Variants in ARIH1 observed in about 807,000 individuals in gnomAD.
The protein encoded by ARIH1 is E3 ubiquitin-protein ligase ARIH1.
A neutral mutation model predicts 85.0 loss-of-function variants in ARIH1; 8 were observed. The observed-to-expected ratio is 0.09, with a 90% confidence interval of 0.06 to 0.17. ARIH1 has a LOEUF of 0.17. ARIH1 is among the 10% of genes least tolerant of loss of function. The probability of loss-of-function intolerance (pLI) is 1.00; values close to 1 mark genes in which losing one functional copy is unlikely to be tolerated. For synonymous variants in ARIH1, 238 were observed against 253.6 expected, an observed-to-expected ratio of 0.94 and a Z score of 0.59; for missense variants, 311 against 718.1, an observed-to-expected ratio of 0.43 and a Z score of 6.48.
At chr15:72,529,355 C>T (rs1399105253) in intron 2 of ARIH1, among the ~76,000 whole-genome samples, 6 of 152,164 alleles carry the variant, frequency 3.9e-5, no homozygotes, top group South Asian at 4.1e-4. Context: ...CTGATTCTCT[C>T]GCCTCAGCCT....
rs1017064804 is a variant in ARIH1 at position 72,586,358 on chromosome 15, G to A, written c.*3066G>A. ...TACAAACCCCGGTAATAGAGCACTTGGGGGATGGGATGGGGTGGGTTGGTG... is the reference window on the plus strand; with the variant it reads ...TACAAACCCCGGTAATAGAGCACTTAGGGGATGGGATGGGGTGGGTTGGTG... On this transcript the variant is annotated 3_prime_UTR_variant, in exon 14 of 14. Coordinates refer to ENST00000379887, the MANE Select transcript of ARIH1 (RefSeq NM_005744.5). The A allele has an allele frequency of 6.6e-6, 1 of 152,110 alleles. No individual in the cohort carries two copies. The highest frequency in any genetic ancestry group is 1.5e-5 in the Non-Finnish European group (1 of 68,006). 9.4% of individuals were successfully genotyped at this position (152,110 alleles called of 1,614,324 possible). A position where few individuals can be genotyped will look rare whatever the true frequency, so the allele number is the denominator to read the frequency against.
At chr15:72,574,941 G>GT (rs139450130) in intron 11 of ARIH1, among the ~76,000 whole-genome samples, 2,564 of 136,502 alleles carry the variant, frequency 0.019, 60 homozygotes, top group African/African-American at 0.064. Flanking sequence ...AACAAAGAAG[G>GT]TTTTTAAATT....
intron 1 of ARIH1, 117 bp from the exon 2 acceptor site, chr15:72,517,950 T>C (rs2063982564): frequency 4.5e-6 from 3 of 669,464 alleles, no homozygotes; most frequent in Admixed American, 2.8e-5. Flanking sequence ...AAGAAATAAC[T>C]CTAGGGATGG....
intron 2 of ARIH1, among the ~76,000 whole-genome samples, chr15:72,538,774 G>A (rs748009015): frequency 6.6e-6 from 1 of 152,208 alleles, no homozygotes; most frequent in Non-Finnish European, 1.5e-5. Flanking sequence ...TTGCTCAGCT[G>A]TATTTCTGTA....
At chr15:72,548,478 A>G (rs1301498630) in intron 3 of ARIH1, among the ~76,000 whole-genome samples, 1 of 152,228 alleles carries the variant, frequency 6.6e-6, no homozygotes, top group Non-Finnish European at 1.5e-5. Context: ...TGGAAGCAAT[A>G]AATGTAATGA....
At chr15:72,478,147 A>G (rs576713774) in intron 1 of ARIH1, among the ~76,000 whole-genome samples, 20 of 151,826 alleles carry the variant, frequency 1.3e-4, no homozygotes, top group Non-Finnish European at 2.6e-4. Context: ...ACAGAGTTTC[A>G]TTCTGCTGCC....
chr15:72,544,669 T>A (rs985449916), intron 2 of ARIH1, 151 bp from the exon 3 acceptor site: 3 of 679,528 alleles, frequency 4.4e-6, no homozygotes, highest in African/African-American at 3.6e-5. Context: ...ATTTGTACCA[T>A]GTAGCTTTTA....
Position 72,544,863 on chromosome 15 carries a change from G to A in ARIH1, c.487G>A (p.Val163Ile). 1 of 1,613,564 alleles carries A rather than the reference G, an allele frequency of 6.2e-7. No homozygotes were observed. Among genetic ancestry groups the A allele is most frequent in the Non-Finnish European group, 8.5e-7 (1 of 1,179,592 alleles). Residue 163 changes from valine to isoleucine, a missense_variant, in exon 3 of 14, where the codon GTA (valine) becomes ATA (isoleucine). Val to Ile is a conservative substitution (Grantham distance 29). Transcript: ENST00000379887. ...GGAGAAGCTCTTTGCTGAGTGTCAT[G>A]TAATTAATCCAAGTAAAAAGTCTCG... ...NLEKLFAECH[V>I]INPSKKSRTR...
At chr15:72,558,715 G>T (rs927720787) in intron 5 of ARIH1, among the ~76,000 whole-genome samples, 1 of 152,202 alleles carries the variant, frequency 6.6e-6, no homozygotes, top group African/African-American at 2.4e-5. Flanking sequence ...CTTGAAGATG[G>T]ATGCTCACTT....
At chr15:72,543,959 C>T (rs1221421281) in intron 2 of ARIH1, among the ~76,000 whole-genome samples, 1 of 151,708 alleles carries the variant, frequency 6.6e-6, no homozygotes, top group African/African-American at 2.4e-5. Flanking sequence ...TAAGTATTTA[C>T]TGTTATCTTA....
intron 1 of ARIH1, among the ~76,000 whole-genome samples, chr15:72,486,268 TGTAA>T (rs2063837030): frequency 6.6e-6 from 1 of 152,176 alleles, no homozygotes; most frequent in African/African-American, 2.4e-5. Context: ...AAAAACAATT[TGTAA>T]GTTTTAAATT....
intron 1 of ARIH1, among the ~76,000 whole-genome samples, chr15:72,485,803 C>T (rs1025202524): frequency 1.3e-5 from 2 of 152,118 alleles, no homozygotes; most frequent in African/African-American, 4.8e-5. Context: ...TTGATCTTGA[C>T]ACTATATTAC....
At chr15:72,562,798 A>G (rs755809637) in intron 6 of ARIH1, among the ~76,000 whole-genome samples, 1 of 152,042 alleles carries the variant, frequency 6.6e-6, no homozygotes, top group Non-Finnish European at 1.5e-5. Context: ...GGTCACATAC[A>G]TGATATTTAA....
intron 7 of ARIH1, among the ~76,000 whole-genome samples, chr15:72,564,478 A>T (rs540637277): frequency 1.4e-4 from 22 of 152,304 alleles, no homozygotes; most frequent in Middle Eastern, 3.4e-3. Context: ...CCTCACCAGA[A>T]TTACCCTTAA....
chr15:72,479,482 C>T (rs1293749534), intron 1 of ARIH1, among the ~76,000 whole-genome samples: 1 of 151,690 alleles, frequency 6.6e-6, no homozygotes, highest in Admixed American at 6.6e-5. Flanking sequence ...GATCTTGGCT[C>T]AGTGCAACCT....
At chr15:72,550,425 A>G (rs2064148626) in intron 3 of ARIH1, among the ~76,000 whole-genome samples, 1 of 152,218 alleles carries the variant, frequency 6.6e-6, no homozygotes, top group African/African-American at 2.4e-5. Context: ...GCATGTGTAT[A>G]TGTTTTTAAG....
intron 1 of ARIH1, among the ~76,000 whole-genome samples, chr15:72,489,815 A>G (rs980493306): frequency 3.9e-5 from 6 of 152,044 alleles, no homozygotes; most frequent in African/African-American, 1.2e-4. Flanking sequence ...TAAGATGTCA[A>G]CCCTGGTATG....
intron 1 of ARIH1, among the ~76,000 whole-genome samples, chr15:72,488,757 C>T (rs1456335786): frequency 6.6e-6 from 1 of 152,158 alleles, no homozygotes; most frequent in Non-Finnish European, 1.5e-5. Context: ...TCTTCTGGCA[C>T]TAACAAATTA....
chr15:72,561,528 A>G lies in ARIH1; in HGVS notation c.783A>G (p.Leu261=). The change falls in exon 6 of 14, where the codon TTA becomes TTG. Residue 261 remains leucine (L), a synonymous_variant. Transcript: ENST00000379887. ...DSKVKLKYQH[L]ITNSFVECNR... is the part of the protein sequence containing the mutation. Reference sequence around the variant, plus strand: ...AAGTTAAATTAAAGTATCAGCATTTAATAACAAATAGCTTTGTAGAGGTAA... The same window carrying G: ...AAGTTAAATTAAAGTATCAGCATTTGATAACAAATAGCTTTGTAGAGGTAA... 6.3e-7 allele frequency: 1 copy of G among 1,595,168 alleles called. No homozygotes were observed. Among genetic ancestry groups the G allele is most frequent in the South Asian group, 1.1e-5 (1 of 89,116 alleles).
Sources: gnomAD v4.1 joint callset for allele counts (sites outside exome capture counted in the v4.1 genomes callset) on GRCh38, gnomAD v4.1.1 for gene constraint, MANE v1.5 for transcripts, NCBI Gene and HGNC (gene_info 2026-07-23, HGNC 2026-07-21) for gene names.